CNTNAP2: variants seen among roughly 807,000 people sequenced by gnomAD.
CNTNAP2 encodes the protein contactin associated protein 2.
Under a neutral mutation model 155.2 loss-of-function variants are expected in CNTNAP2, and 98 were observed. The observed-to-expected ratio is 0.63, with a 90% confidence interval of 0.54 to 0.75. The LOEUF (loss-of-function observed/expected upper bound fraction) is 0.75. Ranked by LOEUF, CNTNAP2 falls within the 30% of genes least tolerant of loss-of-function variation. The pLI is 0.00. For synonymous variants in CNTNAP2, 651 were observed against 631.2 expected (o/e 1.03, Z -0.47); for missense variants, 1,727 against 1,688.1 (o/e 1.02, Z -0.40).
intron 1 of CNTNAP2, among the ~76,000 whole-genome samples, chr7:146,171,627 G>A (rs1215031373): frequency 2.0e-5 from 3 of 151,976 alleles, no homozygotes; most frequent in Non-Finnish European, 2.9e-5. Flanking sequence ...GGCCTGTTTC[G>A]TTTTTCATCA....
At chr7:147,436,372 A>T (rs1302817736) in intron 10 of CNTNAP2, among the ~76,000 whole-genome samples, 2 of 152,316 alleles carry the variant, frequency 1.3e-5, no homozygotes, top group Admixed American at 1.3e-4. Context: ...AATTTCAGTT[A>T]AAAATTTTTA....
At chr7:147,441,216 C>T (rs1304256988) in intron 10 of CNTNAP2, among the ~76,000 whole-genome samples, 1 of 151,878 alleles carries the variant, frequency 6.6e-6, no homozygotes, top group Non-Finnish European at 1.5e-5. Flanking sequence ...ATTCTTTCTT[C>T]TGCTTGATCA....
intron 4 of CNTNAP2, among the ~76,000 whole-genome samples, chr7:147,061,054 A>G (rs1426812307): frequency 6.6e-6 from 1 of 152,170 alleles, no homozygotes; most frequent in African/African-American, 2.4e-5. Flanking sequence ...GATTCAACTT[A>G]TATAAGGCAT....
At chr7:146,157,638 T>C (rs912263287) in intron 1 of CNTNAP2, among the ~76,000 whole-genome samples, 1 of 152,106 alleles carries the variant, frequency 6.6e-6, no homozygotes, top group Non-Finnish European at 1.5e-5. Context: ...CACTCACTGC[T>C]AGCACAGCAG....
chr7:146,647,836 A>G (rs1799841353), intron 1 of CNTNAP2, among the ~76,000 whole-genome samples: 1 of 152,148 alleles, frequency 6.6e-6, no homozygotes, highest in Non-Finnish European at 1.5e-5. Flanking sequence ...TACTCTACTA[A>G]TCTATAGTCA....
intron 15 of CNTNAP2, among the ~76,000 whole-genome samples, chr7:148,103,870 A>G (rs1006315299): frequency 2.0e-5 from 3 of 152,222 alleles, no homozygotes; most frequent in Admixed American, 1.3e-4. Context: ...ACTGCAGCAC[A>G]TTTTGTAAAA....
chr7:148,256,487 T>TC (rs995480184), intron 20 of CNTNAP2, among the ~76,000 whole-genome samples: 1 of 151,924 alleles, frequency 6.6e-6, no homozygotes, highest in Non-Finnish European at 1.5e-5. Flanking sequence ...CCCATTCTCA[T>TC]CCCCCCAGGC....
intron 13 of CNTNAP2, among the ~76,000 whole-genome samples, chr7:147,762,374 C>T (rs1286753631): frequency 1.3e-5 from 2 of 152,112 alleles, no homozygotes; most frequent in East Asian, 1.9e-4. Flanking sequence ...TGTAAAGCCA[C>T]TGAAGATTTT....
chr7:146,616,605 CTGA>C (rs1489072053), intron 1 of CNTNAP2, among the ~76,000 whole-genome samples: 4 of 152,128 alleles, frequency 2.6e-5, no homozygotes, highest in Non-Finnish European at 5.9e-5. Flanking sequence ...CAAAAAAAAG[CTGA>C]TGGTGGGCAG....
intron 1 of CNTNAP2, among the ~76,000 whole-genome samples, chr7:146,331,679 G>T (rs543145210): frequency 6.6e-6 from 1 of 152,176 alleles, no homozygotes; most frequent in African/African-American, 2.4e-5. Context: ...GGTCTCTGCC[G>T]ACCTCACCTC....
chr7:146,774,339 G>A lies in CNTNAP2; in HGVS notation c.166G>A (p.Gly56Ser). The A allele has an allele frequency of 6.2e-7, 1 of 1,613,894 alleles. No homozygotes were observed. The highest frequency in any genetic ancestry group is 8.5e-7 in the Non-Finnish European group (1 of 1,179,960). Residue 56 changes from glycine (G) to serine (S), a missense_variant, in exon 2 of 24, where the codon GGT (glycine) becomes AGT (serine). Coordinates refer to ENST00000361727, the MANE Select transcript of CNTNAP2 (RefSeq NM_014141.6). ...VAFSSSSSIS[G>S]SYSPGYAKIN... ...TTTCAGCAGCTCCTCCTCCATCTCT[G>A]GTAGCTATTCTCCCGGCTATGCCAA...
intron 9 of CNTNAP2, among the ~76,000 whole-genome samples, chr7:147,370,630 C>T (rs1295555627): frequency 1.3e-5 from 2 of 152,102 alleles, no homozygotes; most frequent in African/African-American, 4.8e-5. Flanking sequence ...TTCTGATCGA[C>T]AACTATGTAA....
chr7:146,997,727 A>G (rs1798338989), intron 3 of CNTNAP2, among the ~76,000 whole-genome samples: 1 of 152,028 alleles, frequency 6.6e-6, no homozygotes, highest in Non-Finnish European at 1.5e-5. Context: ...TAATCTCCTT[A>G]TTCAATATTG....
At chr7:146,760,441 T>G (rs1802077020) in intron 1 of CNTNAP2, among the ~76,000 whole-genome samples, 1 of 114,264 alleles carries the variant, frequency 8.8e-6, no homozygotes, top group African/African-American at 3.9e-5. Context: ...TTTTTTTTTT[T>G]TGAGACAGGG....
At chr7:147,560,595 A>G (rs1040183159) in intron 11 of CNTNAP2, among the ~76,000 whole-genome samples, 6 of 152,026 alleles carry the variant, frequency 3.9e-5, no homozygotes, top group Non-Finnish European at 8.8e-5. Context: ...CTCTTCTAAG[A>G]GCAGTTTACA....
intron 1 of CNTNAP2, among the ~76,000 whole-genome samples, chr7:146,272,015 TAAAAC>T (rs1041309115): frequency 1.3e-5 from 2 of 152,140 alleles, no homozygotes; most frequent in Admixed American, 6.6e-5. Context: ...AGTAATCAAA[TAAAAC>T]TAAAATAATC....
intron 3 of CNTNAP2, among the ~76,000 whole-genome samples, chr7:146,863,326 GC>G (rs1795141650): frequency 6.6e-6 from 1 of 152,042 alleles, no homozygotes; most frequent in South Asian, 2.1e-4. Context: ...TTGTTTATAA[GC>G]CTTATCTGCT....
intron 1 of CNTNAP2, among the ~76,000 whole-genome samples, chr7:146,559,217 A>C (rs1415532125): frequency 6.6e-6 from 1 of 152,118 alleles, no homozygotes; most frequent in Non-Finnish European, 1.5e-5. Flanking sequence ...ATACATACAC[A>C]CACACACACA....
intron 14 of CNTNAP2, among the ~76,000 whole-genome samples, chr7:147,975,143 T>C (rs949839500): frequency 6.6e-6 from 1 of 151,730 alleles, no homozygotes; most frequent in Non-Finnish European, 1.5e-5. Flanking sequence ...TTTTGTATTA[T>C]ATATACTATT....
Sources: gnomAD v4.1 joint callset for allele counts (sites outside exome capture counted in the v4.1 genomes callset) on GRCh38, gnomAD v4.1.1 for gene constraint, MANE v1.5 for transcripts, NCBI Gene and HGNC (gene_info 2026-07-23, HGNC 2026-07-21) for gene names.